Variants in ATP8A1 observed in about 807,000 individuals in gnomAD.
The protein encoded by ATP8A1 is ATPase phospholipid transporting 8A1.
In ATP8A1, 90 loss-of-function variants were observed where a neutral mutation model predicts 177.7. The ratio of observed to expected loss-of-function variants is 0.51; its 90% CI spans 0.43 to 0.60. The LOEUF is 0.60. Among genes scored for constraint, ATP8A1 ranks in the 20% least tolerant of loss-of-function variants. The pLI is 0.00. For synonymous variants in ATP8A1, 493 were observed against 485.9 expected (o/e 1.01, Z -0.19); for missense variants, 1,072 against 1,392.8 (o/e 0.77, Z 3.67).
At chr4:42,441,374 A>G (rs1716623462) in intron 33 of ATP8A1, among the ~76,000 whole-genome samples, 1 of 152,106 alleles carries the variant, frequency 6.6e-6, no homozygotes, top group African/African-American at 2.4e-5. Context: ...ATATTTGGCT[A>G]TATTCTTGAT....
Position 42,588,346 on chromosome 4 carries a change from A to G in ATP8A1, c.525-17T>C. 6.2e-7 allele frequency: 1 copy of G among 1,602,870 alleles called. No individual in the cohort carries two copies. The highest frequency in any genetic ancestry group is 8.5e-7 in the Non-Finnish European group (1 of 1,171,050). ...TGGGGCTCACTGTAGTTTGGAGTTG[A>G]GAAGCACAAAGATTTAGTGCGGGAA... On this transcript the variant is annotated splice_polypyrimidine_tract_variant and intron_variant, in intron 7 of 36. Transcript: ENST00000381668.
At chr4:42,430,907 G>A (rs1308918811) in intron 33 of ATP8A1, among the ~76,000 whole-genome samples, 2 of 152,020 alleles carry the variant, frequency 1.3e-5, no homozygotes, top group African/African-American at 2.4e-5. Context: ...CAGGTACAGT[G>A]AGGCCTTGTG....
intron 1 of ATP8A1, among the ~76,000 whole-genome samples, chr4:42,644,165 C>T (rs1482040658): frequency 6.6e-6 from 1 of 152,092 alleles, no homozygotes; most frequent in Non-Finnish European, 1.5e-5. Context: ...TGAAGGCCTT[C>T]GTATTAAGGC....
chr4:42,597,443 T>C (rs1410109695), intron 6 of ATP8A1, among the ~76,000 whole-genome samples: 2 of 152,202 alleles, frequency 1.3e-5, no homozygotes, highest in Non-Finnish European at 2.9e-5. Context: ...CCTATGATTA[T>C]ATCTTATGAT....
chr4:42,564,837 G>T lies in ATP8A1; in HGVS notation c.1340+4324C>A, dbSNP rs181104212. ...GATTTGGGAGGGGCCGGGGTGGAAT[G>T]ATATGGTTTGGCTGTGTCCCCACCC... On this transcript the variant is annotated intron_variant, in intron 15 of 36. Coordinates refer to ENST00000381668, the MANE Select transcript of ATP8A1 (RefSeq NM_006095.2). Among the ~76,000 whole-genome samples the T allele has an allele frequency of 2.3e-3, 355 of 152,300 alleles. 3 individuals are homozygous for T. Among genetic ancestry groups the T allele is most frequent in the African/African-American group, 8.2e-3 (339 of 41,560 alleles).
intron 34 of ATP8A1, 52 bp downstream of exon 34, chr4:42,423,565 G>T: frequency 7.9e-7 from 1 of 1,267,524 alleles, no homozygotes; most frequent in Non-Finnish European, 1.1e-6. Context: ...AGAGAAATCT[G>T]AGGATGAATA....
chr4:42,646,266 GC>G (rs1008170434), intron 1 of ATP8A1, among the ~76,000 whole-genome samples: 2 of 152,132 alleles, frequency 1.3e-5, no homozygotes, highest in African/African-American at 2.4e-5. Context: ...AGCAAGGCAG[GC>G]CCCCCCATCC....
At chr4:42,453,348 T>A (rs1718137991) in intron 29 of ATP8A1, among the ~76,000 whole-genome samples, 1 of 152,186 alleles carries the variant, frequency 6.6e-6, no homozygotes, top group Non-Finnish European at 1.5e-5. Flanking sequence ...TTGAATCAAA[T>A]ACTTTTCACT....
intron 22 of ATP8A1, among the ~76,000 whole-genome samples, chr4:42,521,343 T>C (rs764227147): frequency 1.3e-5 from 2 of 152,204 alleles, no homozygotes; most frequent in Non-Finnish European, 2.9e-5. Context: ...TTACCCTCTC[T>C]GTTACCTTGG....
At chr4:42,634,799 T>C (rs149079082) in intron 1 of ATP8A1, among the ~76,000 whole-genome samples, 3 of 152,300 alleles carry the variant, frequency 2.0e-5, no homozygotes, top group South Asian at 2.1e-4. Context: ...AGAAAATAAA[T>C]AGGCTATGTA....
In ATP8A1 at chr4:42,555,130, TATCTATCTAATC is replaced by T. The variant is rs1445498220; in HGVS notation, c.1413+826_1413+837del. Among the ~76,000 whole-genome samples the T allele has an allele frequency of 9.5e-3, 784 of 82,804 alleles. 9 individuals are homozygous for T. Among genetic ancestry groups the T allele is most frequent in the Middle Eastern group, 0.023 (4 of 176 alleles). The allele number at this position is 82,804 out of a possible 152,430, so 54.3% of individuals were successfully genotyped here. ...CTATCTATCTATCTATCTATCTATC[TATCTATCTAATC>T]TATCTATCTATCTATCTATCTATCT... On this transcript the variant is annotated intron_variant, in intron 16 of 36. Coordinates refer to ENST00000381668, the MANE Select transcript of ATP8A1 (RefSeq NM_006095.2).
intron 15 of ATP8A1, among the ~76,000 whole-genome samples, chr4:42,563,967 T>C (rs1431500141): frequency 1.3e-5 from 2 of 152,178 alleles, no homozygotes; most frequent in East Asian, 3.9e-4. Flanking sequence ...TGGTGGCACA[T>C]GCCTGTAATC....
rs763220979 is a variant in ATP8A1 at position 42,452,075 on chromosome 4, A to C, written c.2818-16T>G. On this transcript the variant is annotated splice_polypyrimidine_tract_variant and intron_variant, in intron 29 of 36. Transcript: ENST00000381668. ...CCCAGAAAACCTGAGGGAAAACAAA[A>C]ATCCATGAGAACCATTTGCGATAAA... is the stretch of plus-strand genomic sequence containing the variant. The C allele has an allele frequency of 8.2e-6, 13 of 1,586,042 alleles. No homozygotes were observed. In the Admixed American group the frequency reaches 2.0e-4, roughly 25 times the overall value.
chr4:42,414,601 TA>T, intron 36 of ATP8A1, 25 bp downstream of exon 36: 1 of 1,587,870 alleles, frequency 6.3e-7, no homozygotes, highest in Non-Finnish European at 8.6e-7. Flanking sequence ...AGAATTTATT[TA>T]AAAATAAGAA....
At chr4:42,576,541 T>C (rs1732484746) in intron 12 of ATP8A1, among the ~76,000 whole-genome samples, 1 of 149,822 alleles carries the variant, frequency 6.7e-6, no homozygotes, top group South Asian at 2.1e-4. Flanking sequence ...ACTTGCCTTG[T>C]GTCCAGTAAT....
At chr4:42,548,353 G>A (rs938158274) in intron 19 of ATP8A1, among the ~76,000 whole-genome samples, 1 of 152,114 alleles carries the variant, frequency 6.6e-6, no homozygotes, top group Non-Finnish European at 1.5e-5. Flanking sequence ...ACGCATGGCC[G>A]TATACGCTGG....
At chr4:42,469,342 A>G (rs1720143128) in intron 25 of ATP8A1, among the ~76,000 whole-genome samples, 1 of 152,192 alleles carries the variant, frequency 6.6e-6, no homozygotes, top group African/African-American at 2.4e-5. Context: ...GCCGAAGAGC[A>G]TGTACACACC....
chr4:42,579,853 A>G lies in ATP8A1; in HGVS notation c.960T>C (p.Asn320=). Residue 320 remains asparagine, a synonymous_variant, in exon 11 of 37, where the codon AAT becomes AAC. Transcript: ENST00000381668. Reference sequence around the variant, plus strand: ...ACCAGTCTTTTCCAGAATGCCTTCGATTCCAAATGGCTGAGCCCACAGAAC... The same window carrying G: ...ACCAGTCTTTTCCAGAATGCCTTCGGTTCCAAATGGCTGAGCCCACAGAAC... ...LVCSVGSAIW[N]RRHSGKDWYL... is the part of the protein sequence containing the mutation. 3 of 1,613,838 alleles carry G rather than the reference A, an allele frequency of 1.9e-6. No individual in the cohort carries two copies. Among genetic ancestry groups the G allele is most frequent in the Non-Finnish European group, 1.7e-6 (2 of 1,179,866 alleles).
At chr4:42,448,458 T>A (rs1427113143) in intron 30 of ATP8A1, among the ~76,000 whole-genome samples, 1 of 129,716 alleles carries the variant, frequency 7.7e-6, no homozygotes, top group African/African-American at 2.7e-5. Context: ...AGTGCAGTGA[T>A]GTGACCTCAG....
Sources: allele counts gnomAD v4.1 joint callset (sites outside exome capture counted in the v4.1 genomes callset), GRCh38; gene constraint gnomAD v4.1.1; transcripts MANE v1.5; gene names NCBI Gene and HGNC (gene_info 2026-07-23, HGNC 2026-07-21).